ANKRD30B: variants seen among roughly 807,000 people sequenced by gnomAD.
ANKRD30B encodes ankyrin repeat domain 30B.
ANKRD30B carries 144 observed loss-of-function variants against 202.2 expected under a neutral mutation model. That is an observed-to-expected ratio of 0.71 (90% confidence interval 0.62 to 0.82). The LOEUF (loss-of-function observed/expected upper bound fraction) is 0.82. Ranked by LOEUF, ANKRD30B falls within the 40% of genes least tolerant of loss-of-function variation. The pLI, the probability that ANKRD30B is intolerant of heterozygous loss-of-function variation, is 0.00. For synonymous variants in ANKRD30B, 508 were observed against 561.3 expected, an observed-to-expected ratio of 0.91 and a Z score of 1.34; for missense variants, 1,487 against 1,669.1, an observed-to-expected ratio of 0.89 and a Z score of 1.90.
the ANKRD30B span, among the ~76,000 whole-genome samples, chr18:14,868,469 G>C: frequency 6.6e-6 from 1 of 152,286 alleles, no homozygotes; most frequent in Admixed American, 6.5e-5. Flanking sequence ...GGGACAAAAG[G>C]CTTCTTTCCT....
At chr18:14,771,230 G>T (rs1039789881) in intron 8 of ANKRD30B, among the ~76,000 whole-genome samples, 1 of 152,136 alleles carries the variant, frequency 6.6e-6, no homozygotes, top group African/African-American at 2.4e-5. Context: ...TTTAAAGGTT[G>T]GAGACTGCCA....
chr18:14,825,398 A>G (rs1568051509), intron 32 of ANKRD30B: 1 of 152,164 alleles, frequency 6.6e-6, no homozygotes, highest in Non-Finnish European at 1.5e-5. Flanking sequence ...AAATGACAAA[A>G]CTGTTGAGTA....
At position 14,760,486 on chromosome 18, in the gene ANKRD30B, T is replaced by C. The variant is rs549178492; in HGVS notation, c.756-68T>C. On this transcript the variant is annotated intron_variant, in intron 5 of 43. Transcript: ENST00000690538. The stretch of plus-strand genomic sequence containing the variant: ...TGTCTGAAATACTCTAAGAACTTAA[T>C]AAATTTGGTAAATGTTTTTTATATC... 7 of 880,434 alleles carry C rather than the reference T, an allele frequency of 8.0e-6. No homozygotes were observed. The Admixed American group carries it at 1.6e-4, about 20-fold the overall frequency. The allele number at this position is 880,434 out of a possible 1,614,324, so 54.5% of individuals were successfully genotyped here. A position where few individuals can be genotyped will look rare whatever the true frequency, so the allele number is the denominator to read the frequency against.
At chr18:14,796,297 G>A in intron 17 of ANKRD30B, 46 bp from the exon 18 acceptor site, 1 of 1,609,872 alleles carries the variant, frequency 6.2e-7, no homozygotes, top group South Asian at 1.1e-5. Context: ...CATATTTTAG[G>A]AAGCATATAT....
chr18:14,928,196 G>A, the ANKRD30B span, among the ~76,000 whole-genome samples: 1 of 152,208 alleles, frequency 6.6e-6, no homozygotes, highest in South Asian at 2.1e-4. Context: ...TCTAACTCCC[G>A]ACCTCAGGCG....
At chr18:14,767,355 T>C (rs570938502) in intron 7 of ANKRD30B, among the ~76,000 whole-genome samples, 1 of 152,198 alleles carries the variant, frequency 6.6e-6, no homozygotes, top group Admixed American at 6.5e-5. Context: ...TTTCTATATA[T>C]GCATATTTAT....
intron 14 of ANKRD30B, among the ~76,000 whole-genome samples, chr18:14,786,032 G>A (rs551031622): frequency 2.9e-4 from 34 of 119,152 alleles, no homozygotes; most frequent in Admixed American, 2.0e-3. Flanking sequence ...GCGACAGAGC[G>A]AGACTCCGTC....
chr18:14,828,190 G>A, intron 32 of ANKRD30B, 88 bp from the exon 33 acceptor site: 1 of 966,558 alleles, frequency 1.0e-6, no homozygotes, highest in East Asian at 2.7e-5. Context: ...TTACAGGCAT[G>A]TGCCATCGTG....
At chr18:14,787,407 C>T (rs948242019) in intron 15 of ANKRD30B, among the ~76,000 whole-genome samples, 4 of 152,172 alleles carry the variant, frequency 2.6e-5, no homozygotes, top group African/African-American at 9.7e-5. Context: ...AAGAATTACA[C>T]TGAGTCCAGC....
the ANKRD30B span, among the ~76,000 whole-genome samples, chr18:14,909,255 C>T: frequency 6.6e-6 from 1 of 152,156 alleles, no homozygotes; most frequent in South Asian, 2.1e-4. Flanking sequence ...GTTTGAAGTT[C>T]CTGTGCTCCC....
At chr18:14,805,811 A>G (rs535239599) in intron 24 of ANKRD30B, among the ~76,000 whole-genome samples, 1 of 149,978 alleles carries the variant, frequency 6.7e-6, no homozygotes, top group Non-Finnish European at 1.5e-5. Flanking sequence ...CTCAGCGTAT[A>G]CATATTGGCA....
chr18:14,761,855 T>C (rs1915310355), intron 6 of ANKRD30B, among the ~76,000 whole-genome samples: 1 of 152,154 alleles, frequency 6.6e-6, no homozygotes, highest in Admixed American at 6.6e-5. Flanking sequence ...TCTTGAGCAA[T>C]ATGAGAGTTA....
chr18:14,897,082 A>C, the ANKRD30B span, among the ~76,000 whole-genome samples: 1 of 152,094 alleles, frequency 6.6e-6, no homozygotes, highest in African/African-American at 2.4e-5. Flanking sequence ...TAGAGTTGAC[A>C]TAGGTAGAAA....
the ANKRD30B span, among the ~76,000 whole-genome samples, chr18:14,929,179 G>A: frequency 3.3e-5 from 5 of 152,276 alleles, no homozygotes; most frequent in Middle Eastern, 6.8e-3. Flanking sequence ...TAGAGGAGTC[G>A]TGTGCCTCCA....
chr18:14,933,702 A>G, the ANKRD30B span, among the ~76,000 whole-genome samples: 1 of 151,008 alleles, frequency 6.6e-6, no homozygotes, highest in Non-Finnish European at 1.5e-5. Flanking sequence ...GAAAGGGGTT[A>G]GGGACTGGCA....
chr18:14,864,007 A>C, the ANKRD30B span, among the ~76,000 whole-genome samples: 3 of 152,190 alleles, frequency 2.0e-5, no homozygotes, highest in Non-Finnish European at 2.9e-5. Context: ...AACAAAAATC[A>C]TATGATTATC....
chr18:14,774,334 G>C (rs546950325), intron 9 of ANKRD30B, among the ~76,000 whole-genome samples: 4 of 151,968 alleles, frequency 2.6e-5, no homozygotes, highest in African/African-American at 9.7e-5. Flanking sequence ...GACTGGTCAC[G>C]TCTCTTGTTT....
intron 14 of ANKRD30B, among the ~76,000 whole-genome samples, chr18:14,786,346 C>T (rs186388594): frequency 3.0e-4 from 46 of 152,198 alleles, no homozygotes; most frequent in Non-Finnish European, 5.0e-4. Flanking sequence ...TTATTTTTTC[C>T]TATACATTTC....
intron 15 of ANKRD30B, among the ~76,000 whole-genome samples, chr18:14,789,937 G>A (rs142937605): frequency 6.6e-6 from 1 of 152,170 alleles, no homozygotes; most frequent in South Asian, 2.1e-4. Context: ...GAAAGTCATT[G>A]GTAGCTTAAT....
Sources: gnomAD v4.1 joint callset for allele counts (sites outside exome capture counted in the v4.1 genomes callset) on GRCh38, gnomAD v4.1.1 for gene constraint, MANE v1.5 for transcripts, NCBI Gene and HGNC (gene_info 2026-07-23, HGNC 2026-07-21) for gene names.